Variants in GALNT2 observed in about 807,000 individuals in gnomAD.
The protein encoded by GALNT2 is polypeptide N-acetylgalactosaminyltransferase 2, also known as UDP-GalNAc:polypeptide N-acetylgalactosaminyltransferase 2.
Under a neutral mutation model 81.4 loss-of-function variants are expected in GALNT2, and 31 were observed. The observed-to-expected ratio is 0.38, with a 90% CI of 0.29 to 0.51. The LOEUF (loss-of-function observed/expected upper bound fraction) is 0.51. Ranked by LOEUF, GALNT2 falls within the 20% of genes least tolerant of loss-of-function variation. The probability of loss-of-function intolerance (pLI) is 0.87; values close to 1 mark genes in which losing one functional copy is unlikely to be tolerated. For synonymous variants in GALNT2, 303 were observed against 287.4 expected (o/e 1.05, Z -0.55); for missense variants, 629 against 765.7 (o/e 0.82, Z 2.11).
chr1:230,116,699 G>T (rs1380816315), intron 1 of GALNT2, among the ~76,000 whole-genome samples: 1 of 152,180 alleles, frequency 6.6e-6, no homozygotes, highest in East Asian at 1.9e-4. Flanking sequence ...GTAGTCTTTT[G>T]ACAGGAGTAT....
intron 1 of GALNT2, among the ~76,000 whole-genome samples, chr1:230,172,453 A>G (rs146344417): frequency 4.8e-4 from 73 of 152,340 alleles, no homozygotes; most frequent in Non-Finnish European, 9.7e-4. Context: ...ACCCTCAGAC[A>G]CTGTGTGAGG....
In GALNT2 at chr1:230,188,728, T is replaced by G. The variant is rs57223351; in HGVS notation, c.220+10417T>G. Among the ~76,000 whole-genome samples, 21 of 152,348 alleles carry G rather than the reference T, an allele frequency of 1.4e-4. No homozygotes were observed. In the East Asian group the frequency reaches 4.0e-3, roughly 29 times the overall value. On this transcript the variant is annotated intron_variant, in intron 2 of 15. Coordinates refer to ENST00000366672, the MANE Select transcript of GALNT2 (RefSeq NM_004481.5). ...AAACTCTGTGACCCTTGCTTCTATT[T>G]CAGCATCATGCTTTCTACTTGGAAC...
intron 3 of GALNT2, among the ~76,000 whole-genome samples, chr1:230,209,425 T>C (rs1664165324): frequency 1.3e-5 from 2 of 152,050 alleles, no homozygotes; most frequent in African/African-American, 4.8e-5. Flanking sequence ...GAGATTTTTT[T>C]CCCTACCATG....
In GALNT2 at chr1:230,178,144, G is replaced by T. The variant is rs557336469; in HGVS notation, c.127-74G>T. The T allele has an allele frequency of 8.5e-6, 10 of 1,181,044 alleles. 1 individual carries two copies. The African/African-American group carries it at 1.4e-4, about 16-fold the overall frequency. The allele number at this position is 1,181,044 out of a possible 1,614,324, so 73.2% of individuals were successfully genotyped here. A position where few individuals can be genotyped will look rare whatever the true frequency, so the allele number is the denominator to read the frequency against. Reference sequence around the variant, plus strand: ...CCAAGTGTTAACTCTCCTAAGACTCGGTATGTATTGAACTGATGAATGAAG... The same window carrying T: ...CCAAGTGTTAACTCTCCTAAGACTCTGTATGTATTGAACTGATGAATGAAG... On this transcript the variant is annotated intron_variant, in intron 1 of 15. Transcript: ENST00000366672.
At chr1:230,077,615 T>C (rs1659603563) in intron 1 of GALNT2, among the ~76,000 whole-genome samples, 1 of 152,188 alleles carries the variant, frequency 6.6e-6, no homozygotes, top group Non-Finnish European at 1.5e-5. Context: ...GTGAAATACA[T>C]TGAGCAAAGT....
rs139940158 is a variant in GALNT2 at position 230,246,231 on chromosome 1, A to G, written c.817+81A>G. The G allele has an allele frequency of 2.6e-4, 272 of 1,053,740 alleles. 1 individual carries two copies. In the Middle Eastern group the frequency reaches 6.5e-3, roughly 25 times the overall value. The allele number at this position is 1,053,740 out of a possible 1,614,324, so 65.3% of individuals were successfully genotyped here. A position where few individuals can be genotyped will look rare whatever the true frequency, so the allele number is the denominator to read the frequency against. The stretch of plus-strand genomic sequence containing the variant: ...ATCACCACTCCCTCTCATTGTCAGG[A>G]GTGACAGTGACAACAGTGTTCACGC... On this transcript the variant is annotated intron_variant, in intron 8 of 15. Transcript: ENST00000366672.
At chr1:230,106,430 G>A (rs1024019093) in intron 1 of GALNT2, among the ~76,000 whole-genome samples, 1 of 152,192 alleles carries the variant, frequency 6.6e-6, no homozygotes, top group African/African-American at 2.4e-5. Flanking sequence ...TGAAACTGCT[G>A]TTGGTCTGGC....
At position 230,257,271 on chromosome 1, in the gene GALNT2, A is replaced by G. The variant is rs1665741714; in HGVS notation, c.1136+1927A>G. Among the ~76,000 whole-genome samples, 1 of 152,244 alleles carries G rather than the reference A, an allele frequency of 6.6e-6. No homozygotes were observed. Among genetic ancestry groups the G allele is most frequent in the African/African-American group, 2.4e-5 (1 of 41,464 alleles). ...CAGAGGGTGGCCAGGTGGTGACCCT[A>G]TGGTGAAACAATGGTACGAGTGCCC... On this transcript the variant is annotated intron_variant, in intron 11 of 15. Coordinates refer to ENST00000366672, the MANE Select transcript of GALNT2 (RefSeq NM_004481.5). This position sits in a 1 kb window ranked among gnomAD's most constrained non-coding sequence, Gnocchi z 4.6.
At chr1:230,091,265 A>G (rs1474034954) in intron 1 of GALNT2, among the ~76,000 whole-genome samples, 22 of 151,272 alleles carry the variant, frequency 1.5e-4, no homozygotes, top group Admixed American at 7.2e-4. Flanking sequence ...TAGTAGAGAC[A>G]GGGTTTCACC....
At chr1:230,246,248 T>C in intron 8 of GALNT2, 98 bp downstream of exon 8, 3 of 939,932 alleles carry the variant, frequency 3.2e-6, no homozygotes, top group Non-Finnish European at 5.2e-6. Context: ...GTGACAACAG[T>C]GTTCACGCCG....
intron 2 of GALNT2, among the ~76,000 whole-genome samples, chr1:230,196,445 T>G (rs1343073676): frequency 1.3e-5 from 2 of 152,206 alleles, no homozygotes; most frequent in African/African-American, 4.8e-5. Flanking sequence ...TCTGATCAAC[T>G]TGGGGAAAAT....
intron 1 of GALNT2, among the ~76,000 whole-genome samples, chr1:230,094,163 A>ATTTTT (rs58639878): frequency 2.1e-4 from 25 of 119,354 alleles, no homozygotes; most frequent in African/African-American, 6.8e-4. Context: ...ATGCTGGCTA[A>ATTTTT]TTTTTTTTTT....
At chr1:230,267,495 G>A (rs1031861025) in intron 14 of GALNT2, among the ~76,000 whole-genome samples, 3 of 152,336 alleles carry the variant, frequency 2.0e-5, no homozygotes, top group South Asian at 2.1e-4. Context: ...AGGGCCTGGC[G>A]TCTGTGTGTA....
chr1:230,259,649 G>A (rs1386942451), intron 11 of GALNT2: 1 of 152,266 alleles, frequency 6.6e-6, no homozygotes, highest in East Asian at 1.9e-4. Context: ...GATTGGATGA[G>A]GTGCAATCAT....
intron 3 of GALNT2, among the ~76,000 whole-genome samples, chr1:230,222,608 T>A (rs1664584705): frequency 6.6e-6 from 1 of 152,200 alleles, no homozygotes; most frequent in South Asian, 2.1e-4. Flanking sequence ...CTTTTTAAAC[T>A]TAGGTCATTG....
intron 1 of GALNT2, among the ~76,000 whole-genome samples, chr1:230,093,356 C>T (rs567449925): frequency 3.3e-5 from 5 of 151,732 alleles, no homozygotes; most frequent in East Asian, 1.9e-4. Flanking sequence ...GAGATGCACA[C>T]GTGGCCGTTT....
intron 1 of GALNT2, among the ~76,000 whole-genome samples, chr1:230,134,385 G>A (rs998295219): frequency 6.6e-6 from 1 of 152,206 alleles, no homozygotes; most frequent in Non-Finnish European, 1.5e-5. Flanking sequence ...GGGATTACAG[G>A]TGTGAGCCAC....
chr1:230,255,079 A>G, intron 10 of GALNT2, 139 bp from the exon 11 acceptor site: 1 of 1,205,018 alleles, frequency 8.3e-7, no homozygotes, highest in Non-Finnish European at 1.2e-6. Flanking sequence ...GGTCCTTATC[A>G]GATCTCCTTC....
At chr1:230,178,165 T>A in intron 1 of GALNT2, 53 bp from the exon 2 acceptor site, 2 of 1,403,910 alleles carry the variant, frequency 1.4e-6, no homozygotes, top group Non-Finnish European at 2.0e-6. Context: ...AACTGATGAA[T>A]GAAGGTGTGC....
Sources: gnomAD v4.1 joint callset for allele counts (sites outside exome capture counted in the v4.1 genomes callset) on GRCh38, gnomAD v4.1.1 for gene constraint, Gnocchi (gnomAD v3.1) non-coding constraint, MANE v1.5 for transcripts, NCBI Gene and HGNC (gene_info 2026-07-23, HGNC 2026-07-21) for gene names.